Variants in SCAMP1 observed in about 807,000 individuals in gnomAD.
SCAMP1 encodes the protein secretory carrier membrane protein 1, also known as secretory carrier-associated membrane protein 1.
A neutral mutation model predicts 41.8 loss-of-function variants in SCAMP1; 15 were observed. That is an observed-to-expected ratio of 0.36 (90% CI 0.24 to 0.55). The LOEUF (loss-of-function observed/expected upper bound fraction) is 0.55, where lower values mean the gene tolerates loss of function less well. Ranked by LOEUF, SCAMP1 falls within the 20% of genes least tolerant of loss-of-function variation. SCAMP1 has a pLI of 0.86. For missense variants in SCAMP1, 341 were observed against 412.6 expected (o/e 0.83, Z 1.50); for synonymous variants, 135 against 136.8 (o/e 0.99, Z 0.09).
intron 6 of SCAMP1, among the ~76,000 whole-genome samples, chr5:78,428,534 ATAGT>A (rs1277126350): frequency 6.6e-6 from 1 of 152,134 alleles, no homozygotes; most frequent in Non-Finnish European, 1.5e-5. Flanking sequence ...ATGTTGCTTT[ATAGT>A]TAGTCAGTCT....
At chr5:78,438,669 G>C (rs1752831150) in intron 6 of SCAMP1, among the ~76,000 whole-genome samples, 2 of 152,206 alleles carry the variant, frequency 1.3e-5, no homozygotes, top group African/African-American at 4.8e-5. Context: ...GCAATGTAGT[G>C]CTGAGAAGAA....
intron 2 of SCAMP1, among the ~76,000 whole-genome samples, chr5:78,400,144 T>A (rs2112108152): frequency 6.6e-6 from 1 of 152,356 alleles, no homozygotes; most frequent in African/African-American, 2.4e-5. Flanking sequence ...TCCATTGTAC[T>A]GCCTTTGCTC....
At chr5:78,415,976 T>C (rs566586385) in intron 3 of SCAMP1, among the ~76,000 whole-genome samples, 2 of 152,148 alleles carry the variant, frequency 1.3e-5, no homozygotes, top group Non-Finnish European at 2.9e-5. Flanking sequence ...TGTTAGGAGG[T>C]AGAAGATGGC....
intron 6 of SCAMP1, among the ~76,000 whole-genome samples, chr5:78,444,372 C>A (rs1472673832): frequency 6.6e-6 from 1 of 152,200 alleles, no homozygotes; most frequent in African/African-American, 2.4e-5. Flanking sequence ...GTATGTCTTA[C>A]ATGGTGGCAG....
At chr5:78,417,849 G>C (rs1752246925) in intron 4 of SCAMP1, among the ~76,000 whole-genome samples, 1 of 152,148 alleles carries the variant, frequency 6.6e-6, no homozygotes, top group South Asian at 2.1e-4. Context: ...TGGAACACAG[G>C]AGACTCATTG....
intron 7 of SCAMP1, among the ~76,000 whole-genome samples, chr5:78,454,859 G>C (rs1443754272): frequency 6.6e-6 from 1 of 152,206 alleles, no homozygotes; most frequent in African/African-American, 2.4e-5. Flanking sequence ...CACAATTTCA[G>C]ATCCTGTTAT....
chr5:78,404,136 G>C (rs1322900124), intron 2 of SCAMP1, among the ~76,000 whole-genome samples: 2 of 145,166 alleles, frequency 1.4e-5, no homozygotes, highest in Non-Finnish European at 3.0e-5. Context: ...AAAAAAAAGG[G>C]TTTTAAACTT....
At chr5:78,390,333 A>T (rs1390263201) in intron 2 of SCAMP1, among the ~76,000 whole-genome samples, 1 of 152,256 alleles carries the variant, frequency 6.6e-6, no homozygotes, top group African/African-American at 2.4e-5. Flanking sequence ...CTTTGCTTAT[A>T]TGTAGCAAAT....
At chr5:78,469,058 A>G (rs1055819492) in intron 8 of SCAMP1, among the ~76,000 whole-genome samples, 19 of 152,122 alleles carry the variant, frequency 1.2e-4, no homozygotes, top group African/African-American at 3.9e-4. Flanking sequence ...TGTATTTTCT[A>G]TGTGAGTTTG....
rs1039654336 is a variant in SCAMP1 at position 78,479,412 on chromosome 5, T to C, written c.*3744T>C. On this transcript the variant is annotated 3_prime_UTR_variant, in exon 9 of 9. Coordinates refer to ENST00000621999, the MANE Select transcript of SCAMP1 (RefSeq NM_004866.6). ...AAACATGAGTTGTTTTAAATACTTT[T>C]TTATTGAGCTAAAAAGTTTTATCTC... Among the ~76,000 whole-genome samples, 2 of 152,242 alleles carry C rather than the reference T, an allele frequency of 1.3e-5. No individual in the cohort carries two copies. Among genetic ancestry groups the C allele is most frequent in the African/African-American group, 4.8e-5 (2 of 41,478 alleles).
At chr5:78,459,677 G>C (rs1209838016) in intron 8 of SCAMP1, among the ~76,000 whole-genome samples, 1 of 151,908 alleles carries the variant, frequency 6.6e-6, no homozygotes, top group Non-Finnish European at 1.5e-5. Context: ...TTGATATGAA[G>C]GATATTAGCC....
At chr5:78,378,838 A>G (rs971983829) in intron 1 of SCAMP1, among the ~76,000 whole-genome samples, 1 of 152,234 alleles carries the variant, frequency 6.6e-6, no homozygotes, top group African/African-American at 2.4e-5. Context: ...TCAACAAAAT[A>G]AGACTATCTG....
chr5:78,407,191 C>T (rs1735511660), intron 2 of SCAMP1, among the ~76,000 whole-genome samples: 1 of 152,126 alleles, frequency 6.6e-6, no homozygotes, highest in Admixed American at 6.6e-5. Flanking sequence ...TTTTTCTTCT[C>T]CTGTCATTTT....
chr5:78,408,227 C>T (rs931718108), intron 2 of SCAMP1, among the ~76,000 whole-genome samples: 3 of 152,112 alleles, frequency 2.0e-5, no homozygotes, highest in Non-Finnish European at 2.9e-5. Flanking sequence ...GCACGTGTTA[C>T]CTGGTGGCAG....
intron 6 of SCAMP1, among the ~76,000 whole-genome samples, chr5:78,443,430 C>A (rs1008020156): frequency 9.9e-5 from 15 of 151,806 alleles, no homozygotes; most frequent in African/African-American, 3.1e-4. Flanking sequence ...AAATAATGTT[C>A]AAAAAATATT....
At position 78,384,171 on chromosome 5, in the gene SCAMP1, G is replaced by GTTTTT. The variant is rs772536603; in HGVS notation, c.58-4662_58-4658dup. Among the ~76,000 whole-genome samples, 132 of 68,794 alleles carry GTTTTT rather than the reference G, an allele frequency of 1.9e-3. 8 individuals are homozygous for GTTTTT. Among genetic ancestry groups the GTTTTT allele is most frequent in the African/African-American group, 3.7e-3 (73 of 19,910 alleles). The allele number at this position is 68,794 out of a possible 152,430, so 45.1% of individuals were successfully genotyped here. Reference sequence around the variant, plus strand: ...CCTCTTTGGTTAGGTATATTCCCAAGTTTTTTTTCTTTTTTTTTTTTTGCA... The same window carrying GTTTTT: ...CCTCTTTGGTTAGGTATATTCCCAAGTTTTTTTTTTTTTCTTTTTTTTTTTTTGCA... On this transcript the variant is annotated intron_variant, in intron 1 of 8. Transcript: ENST00000621999.
intron 1 of SCAMP1, among the ~76,000 whole-genome samples, chr5:78,381,887 T>C (rs1180789070): frequency 6.6e-6 from 1 of 152,174 alleles, no homozygotes; most frequent in African/African-American, 2.4e-5. Context: ...TTAAGGAATT[T>C]GTGTTTTGTT....
chr5:78,418,454 T>C (rs1752260208), intron 4 of SCAMP1, among the ~76,000 whole-genome samples: 2 of 152,162 alleles, frequency 1.3e-5, no homozygotes, highest in South Asian at 4.1e-4. Flanking sequence ...TAAATCTGTT[T>C]TAGGGTAGAA....
intron 2 of SCAMP1, 53 bp from the exon 3 acceptor site, chr5:78,415,467 A>C (rs757201979): frequency 7.7e-5 from 82 of 1,065,558 alleles, no homozygotes; most frequent in Non-Finnish European, 1.1e-4. Flanking sequence ...TTTTGAAAGA[A>C]GTTAAAGTTG....
Sources: gnomAD v4.1 joint callset for allele counts (sites outside exome capture counted in the v4.1 genomes callset) on GRCh38, gnomAD v4.1.1 for gene constraint, MANE v1.5 for transcripts, NCBI Gene and HGNC (gene_info 2026-07-23, HGNC 2026-07-21) for gene names.